Variants in CNTLN observed in about 807,000 individuals in gnomAD.
CNTLN encodes the protein centlein, also known as centlein, centrosomal protein.
CNTLN carries 212 observed loss-of-function variants against 180.0 expected under a neutral mutation model. The observed-to-expected ratio is 1.18, with a 90% CI of 1.05 to 1.32. The LOEUF is 1.32. Ranked by LOEUF, CNTLN falls within the 40% of genes most tolerant of loss-of-function variation. The pLI is 0.00. For synonymous variants in CNTLN, 722 were observed against 563.1 expected, an observed-to-expected ratio of 1.28 and a Z score of -3.99; for missense variants, 2,095 against 1,610.9, an observed-to-expected ratio of 1.30 and a Z score of -5.14.
chr9:17,171,497 G>C (rs1027137015), intron 2 of CNTLN, among the ~76,000 whole-genome samples: 6 of 152,184 alleles, frequency 3.9e-5, no homozygotes, highest in Non-Finnish European at 7.4e-5. Flanking sequence ...GTGTCTGCAG[G>C]GGGAGCGAGG....
chr9:17,495,044 A>G (rs1029676299), intron 25 of CNTLN: 1 of 390,972 alleles, frequency 2.6e-6, no homozygotes, highest in African/African-American at 2.1e-5. Context: ...ATGCCCAGCT[A>G]ATTTTTTTTA....
intron 2 of CNTLN, among the ~76,000 whole-genome samples, chr9:17,211,465 G>T (rs947451645): frequency 1.3e-5 from 2 of 148,994 alleles, no homozygotes; most frequent in African/African-American, 5.2e-5. Context: ...TAGCTTTGTA[G>T]TATAGTTTGA....
chr9:17,370,014 G>A (rs1824176910), intron 13 of CNTLN, among the ~76,000 whole-genome samples: 2 of 151,140 alleles, frequency 1.3e-5, no homozygotes, highest in South Asian at 2.1e-4. Context: ...AATACACAGA[G>A]GAGATAAAAG....
At chr9:17,148,142 A>G (rs896694450) in intron 2 of CNTLN, among the ~76,000 whole-genome samples, 3 of 152,226 alleles carry the variant, frequency 2.0e-5, no homozygotes, top group African/African-American at 7.2e-5. Flanking sequence ...AGTTATCAAC[A>G]CACGGACAAT....
chr9:17,466,673 A>G (rs772082728), intron 22 of CNTLN, 33 bp from the exon 23 acceptor site: 8 of 1,555,126 alleles, frequency 5.1e-6, no homozygotes, highest in South Asian at 2.4e-5. Flanking sequence ...TTTATAAAAT[A>G]TCTTTTATTT....
At chr9:17,390,195 CATA>C (rs1266064766) in intron 14 of CNTLN, among the ~76,000 whole-genome samples, 1 of 146,940 alleles carries the variant, frequency 6.8e-6, no homozygotes, top group Non-Finnish European at 1.5e-5. Flanking sequence ...TTCATAGCTT[CATA>C]ATATCAGGCA....
intron 18 of CNTLN, among the ~76,000 whole-genome samples, chr9:17,441,559 A>C (rs939500028): frequency 1.3e-5 from 2 of 151,690 alleles, no homozygotes; most frequent in African/African-American, 2.4e-5. Context: ...AAGATACATG[A>C]AGAAAGTGAA....
chr9:17,227,796 T>C (rs1824564153), intron 3 of CNTLN, among the ~76,000 whole-genome samples: 2 of 152,114 alleles, frequency 1.3e-5, no homozygotes, highest in African/African-American at 4.8e-5. Context: ...TAATTGGTAC[T>C]ATGATGATAA....
chr9:17,141,014 TAA>T (rs143881245), intron 1 of CNTLN, among the ~76,000 whole-genome samples: 2,113 of 152,252 alleles, frequency 0.014, 50 homozygotes, highest in African/African-American at 0.047. Flanking sequence ...TCATCATAAA[TAA>T]GCAGCAACAG....
chr9:17,310,252 T>C (rs984643927), intron 8 of CNTLN, among the ~76,000 whole-genome samples: 2 of 152,148 alleles, frequency 1.3e-5, no homozygotes, highest in African/African-American at 4.8e-5. Context: ...ATCATTTTGA[T>C]TTTTTTAAAC....
chr9:17,507,282 A>C (rs1405838729), downstream of CNTLN, among the ~76,000 whole-genome samples: 1 of 152,104 alleles, frequency 6.6e-6, no homozygotes, highest in Non-Finnish European at 1.5e-5. Flanking sequence ...TAGGTCAATG[A>C]CTTCTAGCTC....
chr9:17,410,208 A>G (rs1014864011), intron 16 of CNTLN, among the ~76,000 whole-genome samples: 1 of 152,088 alleles, frequency 6.6e-6, no homozygotes, highest in African/African-American at 2.4e-5. Context: ...CTCTTCATTG[A>G]TACTTGATAG....
intron 8 of CNTLN, among the ~76,000 whole-genome samples, chr9:17,317,641 C>CT (rs924982243): frequency 6.6e-6 from 1 of 152,008 alleles, no homozygotes. Flanking sequence ...AGTGATAGGG[C>CT]TTTTTTGTGT....
chr9:17,528,067 G>A, the CNTLN span, among the ~76,000 whole-genome samples: 2 of 151,940 alleles, frequency 1.3e-5, no homozygotes, highest in African/African-American at 2.4e-5. Flanking sequence ...CCAAGCAGAA[G>A]AAAATAAAGA....
chr9:17,252,536 A>G (rs145031729), intron 5 of CNTLN, among the ~76,000 whole-genome samples: 2 of 151,694 alleles, frequency 1.3e-5, no homozygotes, highest in African/African-American at 4.8e-5. Flanking sequence ...GGCCATGTGT[A>G]TATCTTCTTT....
intron 5 of CNTLN, among the ~76,000 whole-genome samples, chr9:17,267,231 C>G (rs978368462): frequency 6.6e-6 from 1 of 152,138 alleles, no homozygotes; most frequent in African/African-American, 2.4e-5. Context: ...TAGGGCAGGC[C>G]TGGTGGTGAC....
chr9:17,165,065 C>G (rs549572582), intron 2 of CNTLN, among the ~76,000 whole-genome samples: 1 of 151,274 alleles, frequency 6.6e-6, no homozygotes, highest in East Asian at 2.0e-4. Flanking sequence ...GTCTTGAACT[C>G]CTGACCTCGT....
At chr9:17,354,081 C>T (rs933100580) in intron 12 of CNTLN, among the ~76,000 whole-genome samples, 1 of 152,232 alleles carries the variant, frequency 6.6e-6, no homozygotes, top group Non-Finnish European at 1.5e-5. Context: ...GCACCCGGGC[C>T]AGTGGCTGCG....
At chr9:17,464,824 C>G (rs1329900128) in intron 21 of CNTLN, among the ~76,000 whole-genome samples, 1 of 150,958 alleles carries the variant, frequency 6.6e-6, no homozygotes, top group South Asian at 2.1e-4. Flanking sequence ...CATAATATGG[C>G]CACACATTCT....
Sources: gnomAD v4.1 joint callset for allele counts (sites outside exome capture counted in the v4.1 genomes callset) on GRCh38, gnomAD v4.1.1 for gene constraint, MANE v1.5 for transcripts, NCBI Gene and HGNC (gene_info 2026-07-23, HGNC 2026-07-21) for gene names.